SNAP47: variants seen among roughly 807,000 people sequenced by gnomAD.
SNAP47 encodes the protein synaptosome associated protein 47.
SNAP47 carries 20 observed loss-of-function variants against 31.4 expected under a neutral mutation model. The observed-to-expected ratio is 0.64, with a 90% CI of 0.45 to 0.93. The LOEUF (loss-of-function observed/expected upper bound fraction) is 0.93. Ranked by LOEUF, SNAP47 falls within the 40% of genes least tolerant of loss-of-function variation. SNAP47 has a pLI of 0.00. For missense variants in SNAP47, 492 were observed against 528.5 expected, an observed-to-expected ratio of 0.93 and a Z score of 0.68; for synonymous variants, 194 against 213.4, an observed-to-expected ratio of 0.91 and a Z score of 0.79.
chr1:227,733,005 T>G (rs1441376402), upstream of SNAP47: 1 of 1,613,326 alleles, frequency 6.2e-7, no homozygotes, highest in African/African-American at 1.3e-5. Context: ...GACCCAGTTG[T>G]GGTTGATGGA....
upstream of SNAP47, chr1:227,735,175 G>T: frequency 6.3e-7 from 1 of 1,581,154 alleles, no homozygotes; most frequent in South Asian, 1.1e-5. Flanking sequence ...CCGGCTCCGA[G>T]ACGAAGGCTA....
upstream of SNAP47, chr1:227,730,493 T>C (rs1161070470): frequency 3.3e-5 from 5 of 151,756 alleles, no homozygotes; most frequent in Non-Finnish European, 7.4e-5. Context: ...TATGGAGTCA[T>C]CGATGCCGGC....
intron 4 of SNAP47, chr1:227,775,955 G>A: frequency 5.4e-6 from 7 of 1,287,898 alleles, no homozygotes; most frequent in Non-Finnish European, 7.1e-6. Context: ...CAGGCCCACA[G>A]CGCCCAGGGC....
chr1:227,731,687 A>T (rs1164395843), upstream of SNAP47: 2 of 153,872 alleles, frequency 1.3e-5, no homozygotes, highest in African/African-American at 4.8e-5. Flanking sequence ...CACTCCTGAG[A>T]ACAGCATCCT....
At chr1:227,732,514 C>T (rs754926802), upstream of SNAP47, 4 of 1,613,260 alleles carry the variant, frequency 2.5e-6, no homozygotes. Context: ...GAGGCCAGCA[C>T]CTCTGTGATG....
At chr1:227,747,009 T>TAAATGTAGATGTG (rs1426457081) in intron 1 of SNAP47, 1 of 152,236 alleles carries the variant, frequency 6.6e-6, no homozygotes, top group Non-Finnish European at 1.5e-5. Flanking sequence ...ACTGTACTGA[T>TAAATGTAGATGTG]AAATGTAGAT....
intron 4 of SNAP47, among the ~76,000 whole-genome samples, chr1:227,772,948 T>C (rs949049193): frequency 1.3e-5 from 2 of 151,984 alleles, no homozygotes; most frequent in Non-Finnish European, 2.9e-5. Flanking sequence ...TACTGTAGCT[T>C]TGTCATAAGG....
chr1:227,766,337 G>A (rs1252687584), intron 3 of SNAP47, among the ~76,000 whole-genome samples: 2 of 152,226 alleles, frequency 1.3e-5, no homozygotes, highest in Admixed American at 1.3e-4. Flanking sequence ...TGCTGTTGAA[G>A]CTGCTCTGTA....
At chr1:227,761,779 C>T (rs1393652399) in intron 3 of SNAP47, among the ~76,000 whole-genome samples, 1 of 152,092 alleles carries the variant, frequency 6.6e-6, no homozygotes, top group Non-Finnish European at 1.5e-5. Flanking sequence ...GGACTGCTCT[C>T]CAGGGTCCCA....
At chr1:227,734,193 C>CG (rs1276746374), upstream of SNAP47, 24 of 775,172 alleles carry the variant, frequency 3.1e-5, no homozygotes, top group Non-Finnish European at 4.2e-5. Context: ...ACGCTGCTGG[C>CG]GGGGGAGGGG....
At chr1:227,754,639 T>C (rs1360060174) in intron 2 of SNAP47, among the ~76,000 whole-genome samples, 1 of 152,186 alleles carries the variant, frequency 6.6e-6, no homozygotes. Flanking sequence ...TTAAAGTGTG[T>C]GCACCCATGT....
At chr1:227,748,700 C>T (rs908711714) in intron 2 of SNAP47, among the ~76,000 whole-genome samples, 2 of 151,812 alleles carry the variant, frequency 1.3e-5, no homozygotes, top group Non-Finnish European at 2.9e-5. Flanking sequence ...ATCTGTGGCT[C>T]CTATGTGGTA....
intron 1 of SNAP47, among the ~76,000 whole-genome samples, chr1:227,729,408 G>A (rs1382950988): frequency 6.6e-6 from 1 of 152,184 alleles, no homozygotes; most frequent in Non-Finnish European, 1.5e-5. Context: ...GGGGACCCAA[G>A]GTGCAGCTGG....
chr1:227,768,446 G>GACA, intron 4 of SNAP47: 8 of 437,410 alleles, frequency 1.8e-5, no homozygotes, highest in African/African-American at 2.1e-5. Context: ...CCACCAGGAG[G>GACA]TGGATAAAGA....
intron 4 of SNAP47, among the ~76,000 whole-genome samples, chr1:227,775,140 C>T (rs1664076457): frequency 1.3e-5 from 2 of 152,154 alleles, no homozygotes; most frequent in South Asian, 4.1e-4. Flanking sequence ...GCGGAGGGGA[C>T]TTGGGCGGGC....
At chr1:227,761,341 C>A (rs1572028088) in intron 3 of SNAP47, among the ~76,000 whole-genome samples, 1 of 152,194 alleles carries the variant, frequency 6.6e-6, no homozygotes, top group African/African-American at 2.4e-5. Flanking sequence ...GCTGAATACA[C>A]ACCCTAAAAA....
intron 1 of SNAP47, among the ~76,000 whole-genome samples, chr1:227,739,375 C>G (rs770946244): frequency 6.6e-6 from 1 of 152,086 alleles, no homozygotes; most frequent in Admixed American, 6.6e-5. Context: ...CGCTTTGTGC[C>G]GAATATGTGC....
intron 2 of SNAP47, among the ~76,000 whole-genome samples, chr1:227,757,012 A>G (rs2102946392): frequency 6.6e-6 from 1 of 152,360 alleles, no homozygotes; most frequent in South Asian, 2.1e-4. Context: ...AACTTTCTCC[A>G]GATGAGGGAC....
chr1:227,730,366 T>TG (rs1445527491), upstream of SNAP47: 1 of 151,758 alleles, frequency 6.6e-6, no homozygotes, highest in African/African-American at 2.4e-5. Flanking sequence ...TTCAAACTGC[T>TG]GTCTAGCCAC....
Sources: gnomAD v4.1 joint callset for allele counts (sites outside exome capture counted in the v4.1 genomes callset) on GRCh38, gnomAD v4.1.1 for gene constraint, MANE v1.5 for transcripts, NCBI Gene and HGNC (gene_info 2026-07-23, HGNC 2026-07-21) for gene names.